PNPT1: variants seen among roughly 807,000 people sequenced by gnomAD.
The protein encoded by PNPT1 is polyribonucleotide nucleotidyltransferase 1, mitochondrial.
PNPT1 carries 53 observed loss-of-function variants against 119.5 expected under a neutral mutation model. The observed-to-expected ratio is 0.44, with a 90% CI of 0.36 to 0.56. PNPT1 has a LOEUF of 0.56. Among genes scored for constraint, PNPT1 ranks in the 20% least tolerant of loss-of-function variants. PNPT1 has a pLI of 0.00. For synonymous variants in PNPT1, 357 were observed against 322.1 expected (o/e 1.11, Z -1.16); for missense variants, 948 against 938.5 (o/e 1.01, Z -0.13).
At position 55,660,581 on chromosome 2, in the gene PNPT1, C is replaced by T. The variant is rs2104087829; in HGVS notation, c.1248-388G>A. 3.3e-5 allele frequency among the ~76,000 whole-genome samples: 5 copies of T among 152,212 alleles called. No homozygotes were observed. The Middle Eastern group carries it at 0.017, about 518-fold the overall frequency. On this transcript the variant is annotated intron_variant, in intron 14 of 27. Transcript: ENST00000447944. ...CAATATGTGAAACGAAGAAAAAGTC[C>T]TGGGATGGGGCAGAATCTGCATGAT...
chr2:55,671,284 A>G, intron 11 of PNPT1, 35 bp downstream of exon 11: 1 of 1,294,130 alleles, frequency 7.7e-7, no homozygotes, highest in Non-Finnish European at 1.1e-6. Context: ...AGCTGCCCTC[A>G]GCAAAAAAAT....
Position 55,678,010 on chromosome 2 carries a change from G to A in PNPT1, c.679+1672C>T, listed in dbSNP as rs551987767. 8.3e-4 allele frequency among the ~76,000 whole-genome samples: 127 copies of A among 152,242 alleles called. 3 individuals carry two copies. The South Asian group carries it at 0.025, about 30-fold the overall frequency. On this transcript the variant is annotated intron_variant, in intron 8 of 27. Transcript: ENST00000447944. ...CCTGCCTCGGCCTCCCAAAGTGCTG[G>A]GATTACAGGCGTGAGCCACTATGCC...
chr2:55,679,755 A>G lies in PNPT1; in HGVS notation c.606T>C (p.Val202=). Residue 202 remains valine, a synonymous_variant, in exon 8 of 28, where the codon GTT becomes GTC. Transcript: ENST00000447944. ...RIGIIDGEYV[V]NPTRKEMSSS... is the part of the protein sequence containing the mutation. ...AAGACATTTCTTTTCTTGTTGGGTT[A>G]ACAACATATTCTCCATCAATTATTC... The G allele has an allele frequency of 6.2e-7, 1 of 1,611,574 alleles. No individual in the cohort carries two copies. The highest frequency in any genetic ancestry group is 8.5e-7 in the Non-Finnish European group (1 of 1,178,630).
In PNPT1 at chr2:55,635,412, T is replaced by A. The variant is rs922298978; in HGVS notation, c.*825A>T. On this transcript the variant is annotated 3_prime_UTR_variant, in exon 28 of 28. Transcript: ENST00000447944. Reference sequence around the variant, plus strand: ...TCACTACAACCTCCACCTCCTGGGTTGAAGTGATTCTTCTGCCTCAGCCTC... The same window carrying A: ...TCACTACAACCTCCACCTCCTGGGTAGAAGTGATTCTTCTGCCTCAGCCTC... The A allele has an allele frequency of 1.7e-4, 26 of 152,068 alleles. No individual in the cohort carries two copies. Among genetic ancestry groups the A allele is most frequent in the African/African-American group, 5.6e-4 (23 of 41,378 alleles). The allele number at this position is 152,068 out of a possible 1,614,324, so 9.4% of individuals were successfully genotyped here. A position where few individuals can be genotyped will look rare whatever the true frequency, so the allele number is the denominator to read the frequency against.
chr2:55,634,901 A>T lies in PNPT1; in HGVS notation c.*1336T>A, dbSNP rs1347231253. On this transcript the variant is annotated 3_prime_UTR_variant, in exon 28 of 28. Transcript: ENST00000447944. ...AAGATTTAAAATTTTTTTTAGAGAT[A>T]AGAGTCCTGCTATGTTGCCCAGGCT... 1 of 151,456 alleles carries T rather than the reference A, an allele frequency of 6.6e-6. No homozygotes were observed. The highest frequency in any genetic ancestry group is 2.4e-5 in the African/African-American group (1 of 41,196). The allele number at this position is 151,456 out of a possible 1,614,324, so 9.4% of individuals were successfully genotyped here.
chr2:55,668,531 C>T (rs754647082), intron 11 of PNPT1, among the ~76,000 whole-genome samples: 1 of 152,072 alleles, frequency 6.6e-6, no homozygotes. Flanking sequence ...AGCCAATGCG[C>T]CCGGCCCATC....
rs998469704 is a variant in PNPT1 at position 55,635,608 on chromosome 2, C to T, written c.*629G>A. 2.6e-5 allele frequency: 4 copies of T among 152,330 alleles called. No individual in the cohort carries two copies. Among genetic ancestry groups the T allele is most frequent in the South Asian group, 4.1e-4 (2 of 4,828 alleles). The allele number at this position is 152,330 out of a possible 1,614,324, so 9.4% of individuals were successfully genotyped here. On this transcript the variant is annotated 3_prime_UTR_variant, in exon 28 of 28. Transcript: ENST00000447944. ...TTAGGTAAATTTGAAAAATATACAT[C>T]ATTACTACCACATTCATCCTAGTTA...
intron 21 of PNPT1, 79 bp from the exon 22 acceptor site, chr2:55,645,511 A>G (rs1220411029): frequency 1.1e-6 from 1 of 905,196 alleles, no homozygotes; most frequent in Non-Finnish European, 1.7e-6. Context: ...TTTTCACGGT[A>G]TACAATCTAA....
intron 13 of PNPT1, among the ~76,000 whole-genome samples, chr2:55,662,502 C>T (rs1696608950): frequency 6.6e-6 from 1 of 152,124 alleles, no homozygotes; most frequent in Admixed American, 6.5e-5. Flanking sequence ...CGGTGAAACC[C>T]TGTCTCTACT....
Position 55,671,353 on chromosome 2 carries a change from G to A in PNPT1, c.942C>T (p.Asn314=). ...HDKVSRDEAV[N]KIRLDTEEQL... ...GTTCCTCCGTATCTAATCTTATTTT[G>A]TTAACAGCTTCATCTCTGGAAACCT... The change falls in exon 11 of 28, where the codon AAC becomes AAT. Residue 314 remains asparagine (N), a synonymous_variant. Coordinates refer to ENST00000447944, the MANE Select transcript of PNPT1 (RefSeq NM_033109.5). 6.5e-7 allele frequency: 1 copy of A among 1,537,194 alleles called. No individual in the cohort carries two copies. The highest frequency in any genetic ancestry group is 8.8e-7 in the Non-Finnish European group (1 of 1,139,258).
chr2:55,666,504 G>T (rs988273015), intron 13 of PNPT1, among the ~76,000 whole-genome samples: 1 of 152,080 alleles, frequency 6.6e-6, no homozygotes, highest in South Asian at 2.1e-4. Flanking sequence ...ATAGTTTATT[G>T]AACAGCAATT....
At chr2:55,645,510 T>G in intron 21 of PNPT1, 78 bp from the exon 22 acceptor site, 1 of 913,928 alleles carries the variant, frequency 1.1e-6, no homozygotes, top group East Asian at 2.5e-5. Flanking sequence ...GTTTTCACGG[T>G]ATACAATCTA....
chr2:55,675,474 C>A (rs1330288353), intron 8 of PNPT1, among the ~76,000 whole-genome samples: 1 of 151,898 alleles, frequency 6.6e-6, no homozygotes, highest in African/African-American at 2.4e-5. Flanking sequence ...ATGGATACCC[C>A]CCAAATAAAC....
In PNPT1 at chr2:55,666,330, AT is replaced by A. The variant is rs551524928; in HGVS notation, c.1176+660del. Among the ~76,000 whole-genome samples the A allele has an allele frequency of 1.8e-4, 28 of 152,194 alleles. 1 individual carries two copies. The highest frequency in any genetic ancestry group is 5.3e-4 in the African/African-American group (22 of 41,512). ...CTGGAGTGCAATGGCATGACCATAG[AT>A]TATTGCAACCTCGAACTCCTGGCCT... is the stretch of plus-strand genomic sequence containing the variant. On this transcript the variant is annotated intron_variant, in intron 13 of 27. Coordinates refer to ENST00000447944, the MANE Select transcript of PNPT1 (RefSeq NM_033109.5).
At chr2:55,660,694 A>G (rs1696537899) in intron 14 of PNPT1, among the ~76,000 whole-genome samples, 1 of 152,224 alleles carries the variant, frequency 6.6e-6, no homozygotes, top group Non-Finnish European at 1.5e-5. Flanking sequence ...GCCAGAGAGG[A>G]TTATAGCAGG....
intron 5 of PNPT1, among the ~76,000 whole-genome samples, chr2:55,682,526 T>C (rs1444277165): frequency 1.3e-5 from 2 of 152,118 alleles, no homozygotes; most frequent in African/African-American, 2.4e-5. Context: ...AACGTGCCCA[T>C]GTCATGCACT....
intron 18 of PNPT1, among the ~76,000 whole-genome samples, chr2:55,650,299 C>T (rs910287828): frequency 2.0e-5 from 3 of 152,206 alleles, no homozygotes; most frequent in Non-Finnish European, 4.4e-5. Context: ...CGCGCCGCCA[C>T]GCCTGACTGG....
Position 55,684,938 on chromosome 2 carries a change from C to T in PNPT1, c.403+5G>A. On this transcript the variant is annotated splice_donor_5th_base_variant and intron_variant, in intron 4 of 27. Transcript: ENST00000447944. ...AAGATGAACGCCTCTATGTTAATAT[C>T]TTACCTATTATTCGACTTGTTAGAA... is the stretch of plus-strand genomic sequence containing the variant. 1 of 1,561,618 alleles carries T rather than the reference C, an allele frequency of 6.4e-7. No individual in the cohort carries two copies. The highest frequency in any genetic ancestry group is 8.7e-7 in the Non-Finnish European group (1 of 1,145,652).
rs1230950604 is a variant in PNPT1 at position 55,634,264 on chromosome 2, T to G, written c.*1973A>C. The G allele has an allele frequency of 1.3e-5, 2 of 151,586 alleles. No individual in the cohort carries two copies. Among genetic ancestry groups the G allele is most frequent in the Admixed American group, 6.6e-5 (1 of 15,206 alleles). 9.4% of individuals were successfully genotyped at this position (151,586 alleles called of 1,614,324 possible). A position where few individuals can be genotyped will look rare whatever the true frequency, so the allele number is the denominator to read the frequency against. On this transcript the variant is annotated 3_prime_UTR_variant, in exon 28 of 28. Coordinates refer to ENST00000447944, the MANE Select transcript of PNPT1 (RefSeq NM_033109.5). ...AACCCTGAGTCATGAATTTACCTTT[T>G]TTTTTTTTTTTTCTGGAGACGGAGT...
Sources: allele counts gnomAD v4.1 joint callset (sites outside exome capture counted in the v4.1 genomes callset), GRCh38; gene constraint gnomAD v4.1.1; transcripts MANE v1.5; gene names NCBI Gene and HGNC (gene_info 2026-07-23, HGNC 2026-07-21).